The following YIPF1 variants were observed in gnomAD, a reference collection of about 807,000 sequenced individuals.
YIPF1 encodes protein YIPF1.
Under a neutral mutation model 37.0 loss-of-function variants are expected in YIPF1, and 22 were observed. The observed-to-expected ratio is 0.59, with a 90% confidence interval of 0.42 to 0.85. The LOEUF (loss-of-function observed/expected upper bound fraction) is 0.85, where lower values mean the gene tolerates loss of function less well. YIPF1 is among the 40% of genes least tolerant of loss of function. The pLI, the probability that YIPF1 is intolerant of heterozygous loss-of-function variation, is 0.00. For synonymous variants in YIPF1, 128 were observed against 131.9 expected (o/e 0.97, Z 0.21); for missense variants, 355 against 373.1 (o/e 0.95, Z 0.40).
intron 7 of YIPF1, among the ~76,000 whole-genome samples, chr1:53,869,131 T>TTCTCTC (rs759374987): frequency 2.1e-3 from 292 of 139,614 alleles, no homozygotes; most frequent in African/African-American, 7.2e-3. Flanking sequence ...CATGGATACA[T>TTCTCTC]TCTCTCTCTC....
At chr1:53,879,902 T>C (rs1463792665) in intron 4 of YIPF1, among the ~76,000 whole-genome samples, 1 of 152,002 alleles carries the variant, frequency 6.6e-6, no homozygotes, top group African/African-American at 2.4e-5. Flanking sequence ...GGTGGGGCGA[T>C]GGCTCACCCA....
chr1:53,866,529 C>T (rs1650029253), intron 8 of YIPF1, 147 bp from the exon 9 acceptor site: 3 of 990,316 alleles, frequency 3.0e-6, no homozygotes, highest in Middle Eastern at 3.3e-4. Flanking sequence ...AGGAACACCA[C>T]CAGCATGTAG....
intron 7 of YIPF1, among the ~76,000 whole-genome samples, chr1:53,870,776 C>G (rs760633872): frequency 6.6e-6 from 1 of 151,830 alleles, no homozygotes; most frequent in Non-Finnish European, 1.5e-5. Flanking sequence ...CCTCGGGAGG[C>G]CAAGATGGGA....
chr1:53,869,160 T>TCTCTCTCTCACACA (rs911930860), intron 7 of YIPF1, among the ~76,000 whole-genome samples: 4 of 137,982 alleles, frequency 2.9e-5, no homozygotes, highest in African/African-American at 8.4e-5. Context: ...TCTCTCTCTC[T>TCTCTCTCTCACACA]CACACACACA....
At chr1:53,863,551 T>C (rs1470037191) in intron 9 of YIPF1, among the ~76,000 whole-genome samples, 1 of 152,200 alleles carries the variant, frequency 6.6e-6, no homozygotes, top group African/African-American at 2.4e-5. Flanking sequence ...AGCAAGTCTC[T>C]TGCCTAGGTT....
chr1:53,867,294 C>T (rs1188411607), intron 7 of YIPF1, among the ~76,000 whole-genome samples: 3 of 150,078 alleles, frequency 2.0e-5, no homozygotes, highest in African/African-American at 7.3e-5. Flanking sequence ...ATATTTCAAT[C>T]AAATAAAAAC....
Position 53,878,606 on chromosome 1 carries a change from T to G in YIPF1, c.276+36A>C, listed in dbSNP as rs199558172. The G allele has an allele frequency of 5.5e-4, 869 of 1,590,662 alleles. 2 individuals carry two copies. The highest frequency in any genetic ancestry group is 6.7e-4 in the Middle Eastern group (4 of 6,002). ...AACCATTAAAGAAACAAGTCTCCTT[T>G]ACCCGTAAAAGGAAAGGTGAAATTG... On this transcript the variant is annotated intron_variant, in intron 5 of 10. Transcript: ENST00000072644.
intron 3 of YIPF1, among the ~76,000 whole-genome samples, chr1:53,886,148 T>G (rs1249211886): frequency 6.6e-6 from 1 of 151,902 alleles, no homozygotes; most frequent in Non-Finnish European, 1.5e-5. Flanking sequence ...GAAAGGTTTC[T>G]TGGAGAAGAT....
At chr1:53,870,160 C>CTCTTTTTT (rs1557605849) in intron 7 of YIPF1, among the ~76,000 whole-genome samples, 9 of 91,196 alleles carry the variant, frequency 9.9e-5, no homozygotes, top group African/African-American at 4.0e-4. Flanking sequence ...CACCGGGTCT[C>CTCTTTTTT]TTTTTTTTTT....
chr1:53,876,175 T>C (rs1650329805), intron 6 of YIPF1, among the ~76,000 whole-genome samples: 1 of 152,216 alleles, frequency 6.6e-6, no homozygotes, highest in East Asian at 1.9e-4. Flanking sequence ...TCTTTTCATA[T>C]ATTTATTGGC....
At chr1:53,883,942 C>T (rs1557611458) in intron 3 of YIPF1, among the ~76,000 whole-genome samples, 1 of 152,090 alleles carries the variant, frequency 6.6e-6, no homozygotes, top group Non-Finnish European at 1.5e-5. Flanking sequence ...GAGGCTGAGA[C>T]AGGAGAATCA....
In YIPF1 at chr1:53,860,104, G is replaced by A; in HGVS notation, c.881C>T (p.Ala294Val). 1.2e-6 allele frequency: 2 copies of A among 1,614,144 alleles called. No homozygotes were observed. Among genetic ancestry groups the A allele is most frequent in the Non-Finnish European group, 1.7e-6 (2 of 1,180,006 alleles). Reference protein sequence around the residue: ...PEMDHLPTTTATPNQTVAAAK... With the variant: ...PEMDHLPTTTVTPNQTVAAAK... ...TGCAGCAACTGTTTGGTTTGGAGTA[G>A]CTGTAGTTGTTGGGAGATGGTCCAT... Residue 294 changes from alanine to valine, a missense_variant, in exon 10 of 11, where the codon GCT becomes GTT. Coordinates refer to ENST00000072644, the MANE Select transcript of YIPF1 (RefSeq NM_018982.5).
intron 9 of YIPF1, among the ~76,000 whole-genome samples, chr1:53,863,996 C>A (rs373908603): frequency 1.9e-4 from 29 of 152,316 alleles, no homozygotes; most frequent in Admixed American, 3.3e-4. Context: ...CCTGCAACTT[C>A]CTCCCAAAGT....
At chr1:53,877,203 A>G (rs932086023) in intron 6 of YIPF1, among the ~76,000 whole-genome samples, 1 of 152,176 alleles carries the variant, frequency 6.6e-6, no homozygotes, top group African/African-American at 2.4e-5. Flanking sequence ...TTCTCAGGCT[A>G]CAAGTAAGAA....
chr1:53,871,545 T>C, intron 6 of YIPF1, 57 bp from the exon 7 acceptor site: 1 of 1,343,976 alleles, frequency 7.4e-7, no homozygotes, highest in Non-Finnish European at 1.1e-6. Context: ...GCCTTTAGAT[T>C]CTTACAGAAT....
At chr1:53,870,633 A>G (rs928403182) in intron 7 of YIPF1, among the ~76,000 whole-genome samples, 7 of 152,162 alleles carry the variant, frequency 4.6e-5, no homozygotes, top group African/African-American at 1.2e-4. Context: ...ATTGTCTCCA[A>G]AATGTGGATA....
chr1:53,874,274 T>G (rs560429124), intron 6 of YIPF1, among the ~76,000 whole-genome samples: 4 of 152,188 alleles, frequency 2.6e-5, no homozygotes, highest in South Asian at 2.1e-4. Context: ...GGACCTGCCA[T>G]GTTGCTTCAT....
rs1649884414 is a variant in YIPF1, at chr1:53,861,687, AGAGAGG to A, written c.832-1540_832-1535del. 5.7e-5 allele frequency among the ~76,000 whole-genome samples: 6 copies of A among 105,280 alleles called. No individual in the cohort carries two copies. In the South Asian group the frequency reaches 2.4e-3, roughly 41 times the overall value. 69.1% of individuals were successfully genotyped at this position (105,280 alleles called of 152,430 possible). ...GGGGAAGGAAGGAAGGAAGGGAGAG[AGAGAGG>A]GAGGGAGGGAGGGAGGGAAGAAAAG... On this transcript the variant is annotated intron_variant, in intron 9 of 10. Coordinates refer to ENST00000072644, the MANE Select transcript of YIPF1 (RefSeq NM_018982.5).
intron 6 of YIPF1, among the ~76,000 whole-genome samples, chr1:53,876,666 A>G (rs140732957): frequency 8.5e-4 from 130 of 152,336 alleles, no homozygotes; most frequent in African/African-American, 2.9e-3. Flanking sequence ...AGCACTTACT[A>G]GCTGTATAAT....
Sources: gnomAD v4.1 joint callset for allele counts (sites outside exome capture counted in the v4.1 genomes callset) on GRCh38, gnomAD v4.1.1 for gene constraint, MANE v1.5 for transcripts, NCBI Gene and HGNC (gene_info 2026-07-23, HGNC 2026-07-21) for gene names.